Variants in THSD7B observed in about 807,000 individuals in gnomAD.
The protein encoded by THSD7B is thrombospondin type 1 domain containing 7B.
In THSD7B, 138 loss-of-function variants were observed where a neutral mutation model predicts 213.6. That is an observed-to-expected ratio of 0.65 (90% CI 0.56 to 0.74). The LOEUF (loss-of-function observed/expected upper bound fraction) is 0.74. Among genes scored for constraint, THSD7B ranks in the 30% least tolerant of loss-of-function variants. The pLI, the probability that THSD7B is intolerant of heterozygous loss-of-function variation, is 0.00. For synonymous variants in THSD7B, 742 were observed against 687.0 expected (o/e 1.08, Z -1.25); for missense variants, 1,931 against 1,991.5 (o/e 0.97, Z 0.58).
At chr2:137,512,382 C>CTTTTTTTTTT (rs70978233) in intron 15 of THSD7B, among the ~76,000 whole-genome samples, 1 of 81,380 alleles carries the variant, frequency 1.2e-5, no homozygotes, top group Non-Finnish European at 2.1e-5. Context: ...CATTTATTTC[C>CTTTTTTTTTT]TTTTTTTTTT....
chr2:137,499,746 G>A (rs1679657525), intron 15 of THSD7B, among the ~76,000 whole-genome samples: 1 of 152,178 alleles, frequency 6.6e-6, no homozygotes, highest in Admixed American at 6.5e-5. Flanking sequence ...ACATGAGCTG[G>A]AGCAGAAGAG....
At chr2:136,953,542 C>CT (rs79177366) in intron 2 of THSD7B, among the ~76,000 whole-genome samples, 12,533 of 151,938 alleles carry the variant, frequency 0.082, 897 homozygotes, top group African/African-American at 0.19. Context: ...GATTTATTTC[C>CT]GATTATGCCA....
intron 5 of THSD7B, among the ~76,000 whole-genome samples, chr2:137,126,454 AC>A (rs1300167226): frequency 2.8e-5 from 2 of 72,360 alleles, no homozygotes; most frequent in Non-Finnish European, 5.7e-5. Context: ...GGTTTCCCCC[AC>A]CCCCCTGCCC....
At chr2:137,584,933 C>T (rs1345541993) in intron 17 of THSD7B, among the ~76,000 whole-genome samples, 1 of 152,112 alleles carries the variant, frequency 6.6e-6, no homozygotes, top group Non-Finnish European at 1.5e-5. Flanking sequence ...CCTTGTACCT[C>T]TGGTAGAATT....
At chr2:137,075,106 G>T (rs1190518958) in intron 3 of THSD7B, among the ~76,000 whole-genome samples, 2 of 152,116 alleles carry the variant, frequency 1.3e-5, no homozygotes, top group South Asian at 2.1e-4. Flanking sequence ...GGCGTTCTGT[G>T]TATTTCCTGG....
chr2:137,332,019 C>T (rs770786659), intron 12 of THSD7B, among the ~76,000 whole-genome samples: 4 of 152,198 alleles, frequency 2.6e-5, no homozygotes, highest in Admixed American at 6.5e-5. Context: ...CTGAGGGAGC[C>T]GGCTCCGGCC....
intron 10 of THSD7B, among the ~76,000 whole-genome samples, chr2:137,252,720 T>C (rs984271294): frequency 4.6e-5 from 7 of 152,160 alleles, no homozygotes; most frequent in African/African-American, 1.7e-4. Flanking sequence ...TGGCAGAGAA[T>C]GATGCAGGAG....
intron 15 of THSD7B, among the ~76,000 whole-genome samples, chr2:137,522,779 C>G (rs1363058046): frequency 1.3e-5 from 2 of 152,150 alleles, no homozygotes; most frequent in Non-Finnish European, 2.9e-5. Context: ...CAGAACAGGG[C>G]ACTTAGGAAT....
At chr2:137,404,909 A>G (rs1036629209) in intron 12 of THSD7B, among the ~76,000 whole-genome samples, 5 of 152,066 alleles carry the variant, frequency 3.3e-5, no homozygotes, top group Admixed American at 1.3e-4. Flanking sequence ...TGCAGTGTAC[A>G]CTGCTCAGGT....
intron 15 of THSD7B, among the ~76,000 whole-genome samples, chr2:137,479,778 G>A (rs1688264258): frequency 6.6e-6 from 1 of 152,184 alleles, no homozygotes; most frequent in African/African-American, 2.4e-5. Context: ...GATCCTGGCA[G>A]TATGTAGTAG....
chr2:137,155,932 A>C (rs1385960973), intron 5 of THSD7B: 1 of 152,198 alleles, frequency 6.6e-6, no homozygotes, highest in Non-Finnish European at 1.5e-5. Context: ...ATGGAAGGAA[A>C]ACCAAGAAGG....
intron 15 of THSD7B, among the ~76,000 whole-genome samples, chr2:137,460,077 T>G (rs1369913992): frequency 6.6e-6 from 1 of 152,166 alleles, no homozygotes. Flanking sequence ...CTTGTCTGCA[T>G]GATACCATAC....
intron 2 of THSD7B, among the ~76,000 whole-genome samples, chr2:136,916,100 C>T (rs1684343934): frequency 6.6e-6 from 1 of 152,164 alleles, no homozygotes; most frequent in Non-Finnish European, 1.5e-5. Context: ...CAGGTACAGG[C>T]AATGATGGAT....
intron 14 of THSD7B, among the ~76,000 whole-genome samples, chr2:137,427,189 T>C (rs886275283): frequency 2.1e-4 from 32 of 152,178 alleles, no homozygotes; most frequent in Admixed American, 1.8e-3. Context: ...TACAAGGCTC[T>C]TGGGAATGTA....
Position 137,642,498 on chromosome 2 carries a change from C to T in THSD7B, c.3810C>T (p.Ser1270=), listed in dbSNP as rs914548827. The change falls in exon 21 of 28, where the codon AGC becomes AGT. Residue 1270 remains serine (S), a synonymous_variant. Transcript: ENST00000409968. ...SQTCGHGGRM[S]RTRFIIMPTQ... is the part of the protein sequence containing the mutation. ...CCCTTATCATTTTAGGTCGAATGAGCCGGACTCGATTTATCATTATGCCAA... is the reference window on the plus strand; with the variant it reads ...CCCTTATCATTTTAGGTCGAATGAGTCGGACTCGATTTATCATTATGCCAA... 2 of 1,613,678 alleles carry T rather than the reference C, an allele frequency of 1.2e-6. No homozygotes were observed. Among genetic ancestry groups the T allele is most frequent in the Admixed American group, 3.3e-5 (2 of 60,000 alleles).
At chr2:137,557,435 G>GAAACTGAACAACCTGTTCCTGT (rs1681000389) in intron 15 of THSD7B, among the ~76,000 whole-genome samples, 1 of 152,096 alleles carries the variant, frequency 6.6e-6, no homozygotes, top group South Asian at 2.1e-4. Flanking sequence ...CCTGTTCCTG[G>GAAACTGAACAACCTGTTCCTGT]AAACTGAACA....
At chr2:136,817,451 G>C (rs1462214671) in intron 1 of THSD7B, among the ~76,000 whole-genome samples, 29 of 147,234 alleles carry the variant, frequency 2.0e-4, no homozygotes, top group South Asian at 4.4e-4. Flanking sequence ...CCTATGTCCT[G>C]AATGGTAATG....
At chr2:137,241,749 A>G (rs1043550585) in intron 9 of THSD7B, among the ~76,000 whole-genome samples, 2 of 152,098 alleles carry the variant, frequency 1.3e-5, no homozygotes, top group Non-Finnish European at 2.9e-5. Flanking sequence ...CATCTCTACT[A>G]AAAATACAAA....
chr2:137,113,213 A>T (rs531018273), intron 4 of THSD7B, among the ~76,000 whole-genome samples: 1 of 152,116 alleles, frequency 6.6e-6, no homozygotes, highest in Non-Finnish European at 1.5e-5. Context: ...TTTGCCCTGG[A>T]TGAAAGATCT....
Sources: gnomAD v4.1 joint callset for allele counts (sites outside exome capture counted in the v4.1 genomes callset) on GRCh38, gnomAD v4.1.1 for gene constraint, MANE v1.5 for transcripts, NCBI Gene and HGNC (gene_info 2026-07-23, HGNC 2026-07-21) for gene names.